Variants in LZTFL1 observed in about 807,000 individuals in gnomAD.
LZTFL1 encodes the protein leucine zipper transcription factor-like protein 1.
LZTFL1 carries 25 observed loss-of-function variants against 45.9 expected under a neutral mutation model. The observed-to-expected ratio is 0.54, with a 90% confidence interval of 0.40 to 0.76. The LOEUF is 0.76. Among genes scored for constraint, LZTFL1 ranks in the 30% least tolerant of loss-of-function variants. The pLI, the probability that LZTFL1 is intolerant of heterozygous loss-of-function variation, is 0.00. For missense variants in LZTFL1, 277 were observed against 331.1 expected, an observed-to-expected ratio of 0.84 and a Z score of 1.27; for synonymous variants, 93 against 117.4, an observed-to-expected ratio of 0.79 and a Z score of 1.35.
At chr3:45,881,709 A>T (rs982215641) in intron 2 of LZTFL1, among the ~76,000 whole-genome samples, 1 of 152,222 alleles carries the variant, frequency 6.6e-6, no homozygotes, top group Non-Finnish European at 1.5e-5. Flanking sequence ...GTATTCTAGA[A>T]AACCAGTATA....
chr3:45,906,977 G>A (rs1702695268), intron 2 of LZTFL1, among the ~76,000 whole-genome samples: 1 of 152,190 alleles, frequency 6.6e-6, no homozygotes, highest in South Asian at 2.1e-4. Flanking sequence ...GATTCCCTGT[G>A]CGGGATCCAG....
intron 2 of LZTFL1, among the ~76,000 whole-genome samples, chr3:45,898,908 C>T (rs1254684770): frequency 6.6e-6 from 1 of 152,266 alleles, no homozygotes; most frequent in Non-Finnish European, 1.5e-5. Context: ...TGGCTCACGC[C>T]TGTAATGCCA....
chr3:45,882,323 C>T (rs1701875434), intron 2 of LZTFL1, among the ~76,000 whole-genome samples: 1 of 152,204 alleles, frequency 6.6e-6, no homozygotes, highest in South Asian at 2.1e-4. Context: ...AATGTCACCA[C>T]CAACTACTAA....
In LZTFL1 at chr3:45,905,079, C is replaced by T. The variant is rs148793605; in HGVS notation, c.-215+8041G>A. On this transcript the variant is annotated intron_variant, in intron 2 of 4. Transcript: ENST00000472635. ...AAAAAAGAGAAGTAATCATGGGCTC[C>T]AGCACCTGCACCTGACATGTTTTAG... 2.2e-4 allele frequency among the ~76,000 whole-genome samples: 34 copies of T among 152,274 alleles called. 2 individuals are homozygous for T. The East Asian group carries it at 6.6e-3, about 29-fold the overall frequency.
chr3:45,894,802 A>T (rs1702300165), intron 2 of LZTFL1: 5 of 803,904 alleles, frequency 6.2e-6, no homozygotes, highest in Middle Eastern at 2.3e-4. Context: ...TATTTTTTTC[A>T]GAAGAATAAG....
intron 2 of LZTFL1, among the ~76,000 whole-genome samples, chr3:45,887,565 T>C (rs1559420182): frequency 6.6e-6 from 1 of 152,240 alleles, no homozygotes. Flanking sequence ...CAGAGAGTGG[T>C]CACTGTGTGC....
Position 45,824,678 on chromosome 3 carries a change from T to C in LZTFL1, c.*1636A>G, listed in dbSNP as rs1401335768. On this transcript the variant is annotated 3_prime_UTR_variant, in exon 10 of 10. Coordinates refer to ENST00000296135, the MANE Select transcript of LZTFL1 (RefSeq NM_020347.4). The stretch of plus-strand genomic sequence containing the variant: ...TGACAAAGGTGTAGGGAGAAAATAA[T>C]TGAATGGTTTCTGAAGGCCACACTA... 2.5e-6 allele frequency: 1 copy of C among 396,252 alleles called. No homozygotes were observed. The highest frequency in any genetic ancestry group is 4.4e-6 in the Non-Finnish European group (1 of 224,890). 24.5% of individuals were successfully genotyped at this position (396,252 alleles called of 1,614,324 possible).
chr3:45,894,968 T>C (rs757013404), intron 2 of LZTFL1: 1 of 1,613,542 alleles, frequency 6.2e-7, no homozygotes, highest in Non-Finnish European at 8.5e-7. Flanking sequence ...AGTACAGCCG[T>C]GCTCCTCTGG....
chr3:45,824,784 T>A lies in LZTFL1; in HGVS notation c.*1530A>T. The A allele has an allele frequency of 2.5e-6, 1 of 397,962 alleles. No homozygotes were observed. The highest frequency in any genetic ancestry group is 4.4e-5 in the Admixed American group (1 of 22,700). 24.7% of individuals were successfully genotyped at this position (397,962 alleles called of 1,614,324 possible). A position where few individuals can be genotyped will look rare whatever the true frequency, so the allele number is the denominator to read the frequency against. On this transcript the variant is annotated 3_prime_UTR_variant, in exon 10 of 10. Coordinates refer to ENST00000296135, the MANE Select transcript of LZTFL1 (RefSeq NM_020347.4). ...CAATGGAATGGATTTTTGGAGAGAGTGTCAATTTAGGGCTAAAGAAATACA... is the reference window on the plus strand; with the variant it reads ...CAATGGAATGGATTTTTGGAGAGAGAGTCAATTTAGGGCTAAAGAAATACA...
At chr3:45,914,135 A>T (rs1338386472) in intron 1 of LZTFL1, among the ~76,000 whole-genome samples, 1 of 152,162 alleles carries the variant, frequency 6.6e-6, no homozygotes, top group Non-Finnish European at 1.5e-5. Flanking sequence ...CAGATCAATT[A>T]GTTCATTTCC....
intron 2 of LZTFL1, among the ~76,000 whole-genome samples, chr3:45,890,269 A>ATATTTATAT (rs1466215987): frequency 0.68 from 7,051 of 10,370 alleles, 2,614 homozygotes; most frequent in Middle Eastern, 0.85. Flanking sequence ...ATATATATAT[A>ATATTTATAT]ACATATATAT....
At chr3:45,827,537 G>GT (rs531667920) in intron 8 of LZTFL1, 78 bp from the exon 9 acceptor site, 111 of 884,554 alleles carry the variant, frequency 1.3e-4, no homozygotes, top group African/African-American at 5.2e-4. Flanking sequence ...AAAATATGTA[G>GT]TTTTTTTTGC....
chr3:45,860,464 CT>C (rs11291259), intron 2 of LZTFL1, among the ~76,000 whole-genome samples: 105,438 of 148,566 alleles, frequency 0.71, 37,402 homozygotes, highest in East Asian at 0.99. Context: ...CTTATAAATG[CT>C]TTTTTTTTTT....
intron 2 of LZTFL1, chr3:45,897,422 G>A: frequency 3.0e-6 from 2 of 668,046 alleles, no homozygotes; most frequent in Admixed American, 2.2e-5. Flanking sequence ...TGCCCCCTGG[G>A]CTTCCAGCAG....
At chr3:45,850,398 G>A (rs568539060) in intron 4 of LZTFL1, among the ~76,000 whole-genome samples, 2 of 152,156 alleles carry the variant, frequency 1.3e-5, no homozygotes, top group Non-Finnish European at 2.9e-5. Flanking sequence ...CCTGCAGAAT[G>A]GAGGGACTTG....
At chr3:45,876,827 T>C (rs533396400) in intron 2 of LZTFL1, among the ~76,000 whole-genome samples, 18 of 152,182 alleles carry the variant, frequency 1.2e-4, no homozygotes, top group Admixed American at 3.3e-4. Flanking sequence ...GTAGAAACCT[T>C]AAAATGAAAA....
At chr3:45,832,199 C>T (rs528850869) in intron 5 of LZTFL1, among the ~76,000 whole-genome samples, 71 of 152,016 alleles carry the variant, frequency 4.7e-4, no homozygotes, top group Admixed American at 1.8e-3. Flanking sequence ...CCAGCCTGGG[C>T]GACAGAGCAA....
At chr3:45,857,050 A>G in intron 3 of LZTFL1, among the ~76,000 whole-genome samples, 1 of 152,216 alleles carries the variant, frequency 6.6e-6, no homozygotes, top group East Asian at 1.9e-4. Flanking sequence ...AAATCATTCT[A>G]TGATAAAGAT....
At chr3:45,835,395 G>A in intron 3 of LZTFL1, 195 bp downstream of exon 3, 1 of 563,660 alleles carries the variant, frequency 1.8e-6, no homozygotes, top group Non-Finnish European at 3.1e-6. Context: ...CCTAGGAACA[G>A]TAGAAACAGA....
Sources: allele counts gnomAD v4.1 joint callset (sites outside exome capture counted in the v4.1 genomes callset), GRCh38; gene constraint gnomAD v4.1.1; transcripts MANE v1.5; gene names NCBI Gene and HGNC (gene_info 2026-07-23, HGNC 2026-07-21).